ERG: variants seen among roughly 807,000 people sequenced by gnomAD.
ERG encodes the protein ETS transcription factor ERG, also known as transcriptional regulator ERG.
A neutral mutation model predicts 55.3 loss-of-function variants in ERG; 9 were observed. The ratio of observed to expected loss-of-function variants is 0.16; its 90% CI spans 0.10 to 0.28. The LOEUF is 0.28. ERG is among the 10% of genes least tolerant of loss of function. ERG has a pLI of 1.00. For synonymous variants in ERG, 223 were observed against 237.3 expected (o/e 0.94, Z 0.55); for missense variants, 434 against 631.6 (o/e 0.69, Z 3.35).
chr21:38,463,164 T>A (rs2836419), intron 1 of ERG, among the ~76,000 whole-genome samples: 24,258 of 152,156 alleles, frequency 0.16, 2,015 homozygotes, highest in East Asian at 0.19. Context: ...TAAATGTGTA[T>A]CCCATACTTG....
chr21:38,590,961 T>C (rs1344221658), intron 1 of ERG, among the ~76,000 whole-genome samples: 1 of 152,222 alleles, frequency 6.6e-6, no homozygotes, highest in Non-Finnish European at 1.5e-5. Flanking sequence ...CTTTTTTCTT[T>C]ATTGGAAAGT....
At chr21:38,571,515 A>C (rs1601256055) in intron 2 of ERG, among the ~76,000 whole-genome samples, 1 of 151,852 alleles carries the variant, frequency 6.6e-6, no homozygotes, top group Non-Finnish European at 1.5e-5. Flanking sequence ...TGTCTTAAAA[A>C]AAATAAATAA....
chr21:38,600,920 A>G (rs2060160788), intron 1 of ERG, among the ~76,000 whole-genome samples: 1 of 152,038 alleles, frequency 6.6e-6, no homozygotes, highest in Admixed American at 6.6e-5. Flanking sequence ...ATTGCAACCT[A>G]TCCATGCATC....
At chr21:38,651,830 G>A (rs1182065810) in intron 1 of ERG, among the ~76,000 whole-genome samples, 1 of 152,134 alleles carries the variant, frequency 6.6e-6, no homozygotes, top group Admixed American at 6.5e-5. Context: ...CCGCCTGCCT[G>A]GTTCTGATGC....
rs1475138754 is a variant in ERG, at chr21:38,381,818, G to A, written c.*1585C>T. 1 of 1,063,522 alleles carries A rather than the reference G, an allele frequency of 9.4e-7. No individual in the cohort carries two copies. The highest frequency in any genetic ancestry group is 5.0e-5 in the East Asian group (1 of 19,884). 65.9% of individuals were successfully genotyped at this position (1,063,522 alleles called of 1,614,324 possible). A position where few individuals can be genotyped will look rare whatever the true frequency, so the allele number is the denominator to read the frequency against. On this transcript the variant is annotated 3_prime_UTR_variant, in exon 10 of 10. Transcript: ENST00000288319. ...AACCCGGGGTCCTTCTGTTCCAAAA[G>A]GGGCTAGAAATAAAAGACAGGAGGG...
chr21:38,395,233 T>A lies in ERG; in HGVS notation c.746-2789A>T, dbSNP rs556977681. On this transcript the variant is annotated intron_variant, in intron 6 of 9. Coordinates refer to ENST00000288319, the MANE Select transcript of ERG (RefSeq NM_182918.4). ...GCTGTGGGCACTAAGTATCCCCCTG[T>A]GGGATATGACATTGGGAAACATTCA... is the stretch of plus-strand genomic sequence containing the variant. 13 of 228,270 alleles carry A rather than the reference T, an allele frequency of 5.7e-5. No individual in the cohort carries two copies. In the South Asian group the frequency reaches 2.2e-3, roughly 38 times the overall value. The allele number at this position is 228,270 out of a possible 1,614,324, so 14.1% of individuals were successfully genotyped here.
In ERG at chr21:38,407,646, T is replaced by TATA. The variant is rs34894423; in HGVS notation, c.389-3938_389-3937insTAT. ...GGTCTTACAAAAGGTATATATATAT[T>TATA]TAATGTATATTATATGTATACTATA... On this transcript the variant is annotated intron_variant, in intron 3 of 9. Transcript: ENST00000288319. Among the ~76,000 whole-genome samples the TATA allele has an allele frequency of 1.6e-3, 234 of 142,480 alleles. 5 individuals are homozygous for TATA. Among genetic ancestry groups the TATA allele is most frequent in the African/African-American group, 3.5e-3 (132 of 37,438 alleles). The allele number at this position is 142,480 out of a possible 152,430, so 93.5% of individuals were successfully genotyped here.
At chr21:38,572,861 G>A (rs1038811890) in intron 2 of ERG, among the ~76,000 whole-genome samples, 4 of 152,162 alleles carry the variant, frequency 2.6e-5, no homozygotes, top group Non-Finnish European at 4.4e-5. Context: ...GATAATTGTA[G>A]GGAAAAGAAA....
intron 2 of ERG, among the ~76,000 whole-genome samples, chr21:38,429,367 GTA>G (rs1267104727): frequency 8.1e-6 from 1 of 123,124 alleles, no homozygotes; most frequent in African/African-American, 2.8e-5. Context: ...TATATAATAT[GTA>G]CACATATACA....
At chr21:38,481,004 C>T (rs1025464624) in intron 1 of ERG, among the ~76,000 whole-genome samples, 1 of 152,166 alleles carries the variant, frequency 6.6e-6, no homozygotes, top group Non-Finnish European at 1.5e-5. Context: ...TTCATGCATA[C>T]TTACTCCTCC....
chr21:38,412,272 C>T (rs1217361949), intron 3 of ERG, among the ~76,000 whole-genome samples: 1 of 152,172 alleles, frequency 6.6e-6, no homozygotes, highest in Non-Finnish European at 1.5e-5. Flanking sequence ...TGCCAAGTGT[C>T]TAATCAGATT....
At chr21:38,549,075 C>T (rs1032460653) in intron 2 of ERG, among the ~76,000 whole-genome samples, 6 of 151,626 alleles carry the variant, frequency 4.0e-5, no homozygotes, top group African/African-American at 7.3e-5. Flanking sequence ...ATCGCACCAC[C>T]GCACTCCAGC....
intron 1 of ERG, among the ~76,000 whole-genome samples, chr21:38,457,693 A>G (rs1473305584): frequency 6.6e-6 from 1 of 152,180 alleles, no homozygotes; most frequent in East Asian, 1.9e-4. Context: ...GGGAAATGCT[A>G]TGCACCACTG....
chr21:38,626,025 G>T (rs1024776841), intron 1 of ERG, among the ~76,000 whole-genome samples: 1 of 145,292 alleles, frequency 6.9e-6, no homozygotes, highest in South Asian at 2.2e-4. Context: ...CAGTTCAAGC[G>T]ATTCTCCTGC....
intron 1 of ERG, among the ~76,000 whole-genome samples, chr21:38,594,998 C>T (rs1043261513): frequency 3.9e-5 from 6 of 152,110 alleles, no homozygotes; most frequent in East Asian, 1.9e-4. Context: ...AGAAATCAGA[C>T]AAGTCTCTCA....
chr21:38,624,400 T>C (rs1568957511), intron 1 of ERG, among the ~76,000 whole-genome samples: 2 of 152,190 alleles, frequency 1.3e-5, no homozygotes, highest in East Asian at 1.9e-4. Flanking sequence ...CCATGGCACA[T>C]GTATACCTAT....
intron 6 of ERG, among the ~76,000 whole-genome samples, chr21:38,397,790 C>A (rs1296397039): frequency 6.6e-6 from 1 of 152,024 alleles, no homozygotes; most frequent in Non-Finnish European, 1.5e-5. Flanking sequence ...GTGCGGAATG[C>A]TGTCTAATTT....
intron 4 of ERG, 86 bp downstream of exon 4, chr21:38,403,420 T>C: frequency 7.5e-7 from 1 of 1,332,088 alleles, no homozygotes; most frequent in South Asian, 1.2e-5. Flanking sequence ...GAGGATGCTG[T>C]CGACACACCT....
chr21:38,583,626 C>T (rs752675849), intron 1 of ERG, among the ~76,000 whole-genome samples: 2 of 152,224 alleles, frequency 1.3e-5, no homozygotes, highest in South Asian at 4.2e-4. Flanking sequence ...GAGTACTAAC[C>T]CCCGGTCCCT....
Sources: allele counts gnomAD v4.1 joint callset (sites outside exome capture counted in the v4.1 genomes callset), GRCh38; gene constraint gnomAD v4.1.1; transcripts MANE v1.5; gene names NCBI Gene and HGNC (gene_info 2026-07-23, HGNC 2026-07-21).